Variants in NAV3 observed in about 807,000 individuals in gnomAD.
NAV3 encodes the protein pore membrane and/or filament interacting like protein 1.
NAV3 carries 87 observed loss-of-function variants against 244.7 expected under a neutral mutation model. That is an observed-to-expected ratio of 0.36 (90% CI 0.30 to 0.42). The LOEUF is 0.42. NAV3 is among the 20% of genes least tolerant of loss of function. The pLI is 1.00. For synonymous variants in NAV3, 1,126 were observed against 1,042.2 expected, an observed-to-expected ratio of 1.08 and a Z score of -1.55; for missense variants, 2,663 against 2,893.3, an observed-to-expected ratio of 0.92 and a Z score of 1.83.
chr12:78,167,835 A>C (rs1262939736), intron 23 of NAV3, among the ~76,000 whole-genome samples: 1 of 151,498 alleles, frequency 6.6e-6, no homozygotes. Context: ...TCTAATGGAA[A>C]TATGGTCTAT....
intron 2 of NAV3, among the ~76,000 whole-genome samples, chr12:77,700,691 A>G (rs1875522403): frequency 6.6e-6 from 1 of 152,020 alleles, no homozygotes; most frequent in Admixed American, 6.6e-5. Context: ...ATAGGTTTTT[A>G]ATGAATGTTC....
intron 1 of NAV3, among the ~76,000 whole-genome samples, chr12:77,867,792 T>A (rs971970105): frequency 1.3e-5 from 2 of 152,146 alleles, no homozygotes; most frequent in African/African-American, 4.8e-5. Flanking sequence ...TTTCATTGTG[T>A]TAGAGTGGAC....
intron 12 of NAV3, among the ~76,000 whole-genome samples, chr12:78,064,208 A>G (rs138827369): frequency 6.6e-6 from 1 of 152,252 alleles, no homozygotes; most frequent in Non-Finnish European, 1.5e-5. Context: ...ATAACTAAAT[A>G]CCACAGACTG....
Position 78,191,139 on chromosome 12 carries a change from T to G in NAV3, c.6291+920T>G, listed in dbSNP as rs1958958543. On this transcript the variant is annotated intron_variant, in intron 34 of 39. Transcript: ENST00000397909. ...ATCTGCAAATTTTCAGAAATAAATG[T>G]GACTCCCAAGAGCAGCCCAAACCCA... is the stretch of plus-strand genomic sequence containing the variant. Among the ~76,000 whole-genome samples, 4 of 152,120 alleles carry G rather than the reference T, an allele frequency of 2.6e-5. No individual in the cohort carries two copies. In the South Asian group the frequency reaches 8.3e-4, roughly 31 times the overall value.
intron 2 of NAV3, among the ~76,000 whole-genome samples, chr12:77,589,211 A>G (rs1013148385): frequency 2.0e-5 from 3 of 152,276 alleles, no homozygotes; most frequent in African/African-American, 7.2e-5. Context: ...AATAGTTCAG[A>G]TCCTGGCTCT....
intron 12 of NAV3, among the ~76,000 whole-genome samples, chr12:78,112,772 C>A (rs188800525): frequency 1.9e-4 from 29 of 152,216 alleles, no homozygotes; most frequent in African/African-American, 5.3e-4. Context: ...TCTCACAATT[C>A]AAATACAATC....
chr12:77,666,101 A>G (rs1487460189), intron 2 of NAV3, among the ~76,000 whole-genome samples: 1 of 151,630 alleles, frequency 6.6e-6, no homozygotes, highest in Non-Finnish European at 1.5e-5. Flanking sequence ...TTCTGTTTTT[A>G]TAAAATTCCA....
intron 2 of NAV3, among the ~76,000 whole-genome samples, chr12:77,706,643 G>T (rs574241705): frequency 1.3e-5 from 2 of 151,048 alleles, no homozygotes; most frequent in East Asian, 3.9e-4. Context: ...GGCTGAGGCG[G>T]GCGGATCACG....
intron 9 of NAV3, among the ~76,000 whole-genome samples, chr12:78,037,582 C>A (rs1277373663): frequency 2.6e-5 from 4 of 151,644 alleles, no homozygotes; most frequent in African/African-American, 9.7e-5. Context: ...CTATGAGCAC[C>A]ACTGGTAAGG....
intron 8 of NAV3, among the ~76,000 whole-genome samples, chr12:78,009,629 C>T (rs1042741187): frequency 6.6e-6 from 1 of 152,016 alleles, no homozygotes; most frequent in African/African-American, 2.4e-5. Context: ...ATTTCCTAAT[C>T]TGTGAAATAG....
chr12:77,821,173 A>AT (rs1872730586), intron 2 of NAV3, among the ~76,000 whole-genome samples: 1 of 151,942 alleles, frequency 6.6e-6, no homozygotes, highest in Non-Finnish European at 1.5e-5. Context: ...AAAAAGACAA[A>AT]TTTTTGAAGC....
intron 12 of NAV3, among the ~76,000 whole-genome samples, chr12:78,090,068 G>A (rs1953841555): frequency 6.6e-6 from 1 of 151,646 alleles, no homozygotes; most frequent in African/African-American, 2.4e-5. Context: ...CATTATCTAA[G>A]TTTATCTATG....
At chr12:77,755,526 T>G (rs539104842) in intron 2 of NAV3, among the ~76,000 whole-genome samples, 26 of 34,482 alleles carry the variant, frequency 7.5e-4, no homozygotes, top group African/African-American at 3.3e-3. Context: ...TCCTTTCCTT[T>G]CCTTTCCTTT....
chr12:77,577,788 C>T (rs1229240506), intron 2 of NAV3, among the ~76,000 whole-genome samples: 1 of 151,972 alleles, frequency 6.6e-6, no homozygotes, highest in East Asian at 1.9e-4. Flanking sequence ...AAATCTTTTC[C>T]TCTGTCTTGA....
At chr12:77,838,480 A>G (rs1209095541) in intron 1 of NAV3, among the ~76,000 whole-genome samples, 8 of 152,210 alleles carry the variant, frequency 5.3e-5, no homozygotes, top group Admixed American at 3.9e-4. Flanking sequence ...TGAAAATTTC[A>G]TACAACTTTT....
intron 4 of NAV3, 105 bp downstream of exon 4, chr12:77,966,406 A>G (rs1892518121): frequency 2.2e-6 from 2 of 913,964 alleles, no homozygotes; most frequent in Non-Finnish European, 3.3e-6. Context: ...CCTTAATATG[A>G]TAAAGGAAAT....
At chr12:77,719,361 A>T (rs1184349630) in intron 2 of NAV3, among the ~76,000 whole-genome samples, 1 of 150,424 alleles carries the variant, frequency 6.6e-6, no homozygotes, top group Non-Finnish European at 1.5e-5. Flanking sequence ...AAATTGTGAG[A>T]GTAGGAATCT....
intron 2 of NAV3, among the ~76,000 whole-genome samples, chr12:77,666,654 A>G (rs1321848526): frequency 6.6e-6 from 1 of 152,192 alleles, no homozygotes; most frequent in African/African-American, 2.4e-5. Context: ...TCTTATTTAA[A>G]GGGATGTATT....
chr12:78,115,151 A>G (rs1171253163), intron 12 of NAV3, among the ~76,000 whole-genome samples: 2 of 152,356 alleles, frequency 1.3e-5, no homozygotes, highest in African/African-American at 2.4e-5. Context: ...TTGTGCTTTC[A>G]TGATGAATAT....
Sources: allele counts gnomAD v4.1 joint callset (sites outside exome capture counted in the v4.1 genomes callset), GRCh38; gene constraint gnomAD v4.1.1; transcripts MANE v1.5; gene names NCBI Gene and HGNC (gene_info 2026-07-23, HGNC 2026-07-21).